The following SYT13 variants were observed in gnomAD, a reference collection of about 807,000 sequenced individuals.
The protein encoded by SYT13 is synaptotagmin 13.
In SYT13, 21 loss-of-function variants were observed where a neutral mutation model predicts 38.6. That is an observed-to-expected ratio of 0.54 (90% confidence interval 0.39 to 0.78). The LOEUF is 0.78. SYT13 is among the 30% of genes least tolerant of loss of function. The pLI, the probability that SYT13 is intolerant of heterozygous loss-of-function variation, is 0.00. For synonymous variants in SYT13, 241 were observed against 237.6 expected, an observed-to-expected ratio of 1.01 and a Z score of -0.13; for missense variants, 495 against 548.7, an observed-to-expected ratio of 0.90 and a Z score of 0.98.
At position 45,243,822 on chromosome 11, in the gene SYT13, T is replaced by A. The variant is rs1460316490; in HGVS notation, c.*230A>T. The A allele has an allele frequency of 1.9e-6, 1 of 517,278 alleles. No homozygotes were observed. The highest frequency in any genetic ancestry group is 3.4e-6 in the Non-Finnish European group (1 of 295,716). The allele number at this position is 517,278 out of a possible 1,614,324, so 32.0% of individuals were successfully genotyped here. On this transcript the variant is annotated 3_prime_UTR_variant, in exon 6 of 6. Transcript: ENST00000020926. ...GGAACTGTATTTAATAAGCACCTCCTTCAATAACACAGATGAGCAAAATGC... is the reference window on the plus strand; with the variant it reads ...GGAACTGTATTTAATAAGCACCTCCATCAATAACACAGATGAGCAAAATGC...
At chr11:45,249,758 G>A (rs28374189) in intron 4 of SYT13, among the ~76,000 whole-genome samples, 5,386 of 152,276 alleles carry the variant, frequency 0.035, 147 homozygotes, top group Non-Finnish European at 0.051. Context: ...AGGGGTGGGG[G>A]CCTGGGGGAG....
rs1854561855 is a variant in SYT13 at position 45,242,370 on chromosome 11, A to C, written c.*1682T>G. ...GATCACCTGAGATCTGGAGTTGAAG[A>C]CCAGCCTGGCCAACATGGTGAAACC... On this transcript the variant is annotated 3_prime_UTR_variant, in exon 6 of 6. Transcript: ENST00000020926. The C allele has an allele frequency of 6.6e-6, 1 of 152,170 alleles. No homozygotes were observed. The highest frequency in any genetic ancestry group is 6.5e-5 in the Admixed American group (1 of 15,272). 9.4% of individuals were successfully genotyped at this position (152,170 alleles called of 1,614,324 possible). A position where few individuals can be genotyped will look rare whatever the true frequency, so the allele number is the denominator to read the frequency against.
In SYT13 at chr11:45,266,535, T is replaced by C. The variant is rs772236239; in HGVS notation, c.184-10644A>G. ...ACACACACACACACACACACACACA[T>C]ACACACATCCTAATGTCTGGACAAC... On this transcript the variant is annotated intron_variant, in intron 1 of 5. Coordinates refer to ENST00000020926, the MANE Select transcript of SYT13 (RefSeq NM_020826.3). Among the ~76,000 whole-genome samples, 577 of 115,640 alleles carry C rather than the reference T, an allele frequency of 5.0e-3. 1 individual carries two copies. The highest frequency in any genetic ancestry group is 7.6e-3 in the Non-Finnish European group (395 of 51,664). 75.9% of individuals were successfully genotyped at this position (115,640 alleles called of 152,430 possible).
intron 3 of SYT13, among the ~76,000 whole-genome samples, chr11:45,253,145 G>C (rs1396081755): frequency 6.6e-6 from 1 of 152,166 alleles, no homozygotes; most frequent in African/African-American, 2.4e-5. Context: ...AGTGAGTGTG[G>C]CTTTATGTTC....
At chr11:45,250,646 C>A (rs1351245673) in intron 4 of SYT13, among the ~76,000 whole-genome samples, 1 of 152,192 alleles carries the variant, frequency 6.6e-6, no homozygotes, top group Non-Finnish European at 1.5e-5. Flanking sequence ...CCAAATCACA[C>A]ACTAATTAGA....
intron 1 of SYT13, among the ~76,000 whole-genome samples, chr11:45,279,973 G>T (rs753635580): frequency 6.6e-6 from 1 of 152,136 alleles, no homozygotes; most frequent in East Asian, 1.9e-4. Flanking sequence ...CCCCCACCCT[G>T]GGTTTCCCAT....
At chr11:45,283,599 T>G (rs563497316) in intron 1 of SYT13, among the ~76,000 whole-genome samples, 12 of 152,218 alleles carry the variant, frequency 7.9e-5, no homozygotes, top group South Asian at 2.1e-4. Context: ...CATTGTGAGA[T>G]CTCAGCTTCA....
intron 2 of SYT13, 45 bp downstream of exon 2, chr11:45,255,621 A>C: frequency 1.3e-6 from 2 of 1,573,400 alleles, no homozygotes; most frequent in Non-Finnish European, 1.7e-6. Flanking sequence ...GACAAGCCCC[A>C]CTGGAGTGCT....
chr11:45,264,312 C>T (rs1854855582), intron 1 of SYT13, among the ~76,000 whole-genome samples: 1 of 152,090 alleles, frequency 6.6e-6, no homozygotes, highest in South Asian at 2.1e-4. Context: ...ATGGGCTGGA[C>T]CTAGTGACTT....
rs1199699701 is a variant in SYT13, at chr11:45,240,554, T to C, written c.*3498A>G. 1 of 152,300 alleles carries C rather than the reference T, an allele frequency of 6.6e-6. No homozygotes were observed. Among genetic ancestry groups the C allele is most frequent in the Admixed American group, 6.5e-5 (1 of 15,286 alleles). 9.4% of individuals were successfully genotyped at this position (152,300 alleles called of 1,614,324 possible). On this transcript the variant is annotated 3_prime_UTR_variant, in exon 6 of 6. Coordinates refer to ENST00000020926, the MANE Select transcript of SYT13 (RefSeq NM_020826.3). ...AATGGACCCTGAATAACTGGTCTCC[T>C]AGCTGATTCTCTGTGCCCAGCTTTG...
chr11:45,266,821 C>T (rs1406187346), intron 1 of SYT13, among the ~76,000 whole-genome samples: 1 of 152,192 alleles, frequency 6.6e-6, no homozygotes, highest in Non-Finnish European at 1.5e-5. Context: ...CACACCCAAC[C>T]AATTGTGTCC....
chr11:45,277,933 A>ATGGGTCAC (rs1855028802), intron 1 of SYT13, among the ~76,000 whole-genome samples: 1 of 152,164 alleles, frequency 6.6e-6, no homozygotes, highest in African/African-American at 2.4e-5. Context: ...AGAGCTGAAG[A>ATGGGTCAC]TGGGTCACTG....
chr11:45,249,049 T>C (rs1045577898), intron 4 of SYT13, among the ~76,000 whole-genome samples: 1 of 133,382 alleles, frequency 7.5e-6, no homozygotes, highest in African/African-American at 2.5e-5. Flanking sequence ...TAAACAAATT[T>C]ACAAGAAAAA....
At chr11:45,274,531 A>G (rs902987877) in intron 1 of SYT13, among the ~76,000 whole-genome samples, 1 of 152,184 alleles carries the variant, frequency 6.6e-6, no homozygotes, top group Non-Finnish European at 1.5e-5. Flanking sequence ...ATGTGAAGTG[A>G]CTGTGCTGGA....
Position 45,244,243 on chromosome 11 carries a change from G to A in SYT13, c.1090C>T (p.Leu364=), listed in dbSNP as rs770142385. The A allele has an allele frequency of 1.2e-5, 19 of 1,613,936 alleles. No homozygotes were observed. The Admixed American group carries it at 3.0e-4, about 25-fold the overall frequency. Residue 364 remains leucine, a synonymous_variant, in exon 6 of 6, where the codon CTG becomes TTG. Coordinates refer to ENST00000020926, the MANE Select transcript of SYT13 (RefSeq NM_020826.3). ...PVWNEMIMFE[L]PDDLLQASSV... is the part of the protein sequence containing the mutation. ...GAGGCCTGCAGCAGGTCGTCAGGCA[G>A]CTCAAACATGATCATCTCGTTCCAC...
chr11:45,244,422 C>G, intron 5 of SYT13, 66 bp from the exon 6 acceptor site: 1 of 1,545,224 alleles, frequency 6.5e-7, no homozygotes, highest in Non-Finnish European at 8.8e-7. Context: ...TGGGATCTGG[C>G]AGGGCCCAGG....
intron 1 of SYT13, among the ~76,000 whole-genome samples, chr11:45,262,440 C>A (rs1854828200): frequency 6.6e-6 from 1 of 152,230 alleles, no homozygotes; most frequent in African/African-American, 2.4e-5. Flanking sequence ...TACCACTGAA[C>A]TGAGGCTGGG....
chr11:45,254,822 A>C (rs534055662), intron 2 of SYT13, among the ~76,000 whole-genome samples: 2 of 152,150 alleles, frequency 1.3e-5, no homozygotes, highest in Non-Finnish European at 1.5e-5. Context: ...AAATAATAAC[A>C]ATATGTTTCG....
At chr11:45,253,760 C>T (rs1854706649) in intron 3 of SYT13, 1 of 150,172 alleles carries the variant, frequency 6.7e-6, no homozygotes, top group Non-Finnish European at 1.5e-5. Flanking sequence ...ATGGCAGAGA[C>T]GACTAGTTCT....
Sources: allele counts gnomAD v4.1 joint callset (sites outside exome capture counted in the v4.1 genomes callset), GRCh38; gene constraint gnomAD v4.1.1; transcripts MANE v1.5; gene names NCBI Gene and HGNC (gene_info 2026-07-23, HGNC 2026-07-21).